Variants in SORL1 observed in about 807,000 individuals in gnomAD.
SORL1 encodes sortilin-related receptor.
Under a neutral mutation model 273.7 loss-of-function variants are expected in SORL1, and 127 were observed. The ratio of observed to expected loss-of-function variants is 0.46; its 90% CI spans 0.40 to 0.54. The LOEUF is 0.54. Ranked by LOEUF, SORL1 falls within the 20% of genes least tolerant of loss-of-function variation. The pLI is 0.00. For synonymous variants in SORL1, 1,031 were observed against 1,067.4 expected (o/e 0.97, Z 0.66); for missense variants, 2,494 against 2,846.1 (o/e 0.88, Z 2.81).
At chr11:121,545,803 G>A (rs181294317) in intron 14 of SORL1, among the ~76,000 whole-genome samples, 171 of 152,250 alleles carry the variant, frequency 1.1e-3, no homozygotes, top group Middle Eastern at 3.4e-3. Context: ...TGAAACGAGG[G>A]GATGTTAGTG....
chr11:121,583,661 G>A, intron 26 of SORL1, 78 bp downstream of exon 26: 1 of 1,481,210 alleles, frequency 6.8e-7, no homozygotes, highest in Non-Finnish European at 9.0e-7. Context: ...CAGAGAGCCA[G>A]GGGATGAAAT....
intron 32 of SORL1, among the ~76,000 whole-genome samples, chr11:121,603,293 C>A (rs1863421528): frequency 6.6e-6 from 1 of 152,204 alleles, no homozygotes; most frequent in Non-Finnish European, 1.5e-5. Flanking sequence ...TTGTCCAGGA[C>A]TGGGCAGGCA....
rs982286278 is a variant in SORL1, at chr11:121,595,562, T to C, written c.4370-61T>C. On this transcript the variant is annotated intron_variant, in intron 31 of 47. Transcript: ENST00000260197. The surrounding 1 kb of genome is among the most constrained non-coding windows in gnomAD (Gnocchi z 5.1). ...GTAATCTCCTAGCATATTGATTGGT[T>C]GCTGTTATTGGCCAGCTCCCTCAAT... The C allele has an allele frequency of 1.4e-6, 2 of 1,409,800 alleles. No individual in the cohort carries two copies. Among genetic ancestry groups the C allele is most frequent in the Non-Finnish European group, 1.9e-6 (2 of 1,029,766 alleles). The allele number at this position is 1,409,800 out of a possible 1,614,324, so 87.3% of individuals were successfully genotyped here. A position where few individuals can be genotyped will look rare whatever the true frequency, so the allele number is the denominator to read the frequency against.
At chr11:121,588,659 T>C (rs962242173) in intron 28 of SORL1, among the ~76,000 whole-genome samples, 9 of 152,222 alleles carry the variant, frequency 5.9e-5, no homozygotes, top group African/African-American at 1.4e-4. Flanking sequence ...GCAGCTCTTA[T>C]ATTTGTTTCC....
At chr11:121,604,596 A>G (rs1289305378) in intron 33 of SORL1, among the ~76,000 whole-genome samples, 2 of 151,474 alleles carry the variant, frequency 1.3e-5, no homozygotes, top group Non-Finnish European at 2.9e-5. Context: ...CCCATACACC[A>G]TGGCTCTCAC....
intron 26 of SORL1, among the ~76,000 whole-genome samples, chr11:121,584,249 A>G (rs1024663333): frequency 5.9e-5 from 9 of 152,226 alleles, no homozygotes; most frequent in Non-Finnish European, 1.2e-4. Context: ...GATTACATCA[A>G]ATGTGTCTCT....
At chr11:121,544,721 T>C (rs1428067185) in intron 13 of SORL1, among the ~76,000 whole-genome samples, 2 of 152,204 alleles carry the variant, frequency 1.3e-5, no homozygotes, top group Non-Finnish European at 2.9e-5. Flanking sequence ...TCGATGAACG[T>C]GGCAGATGGA....
At position 121,631,983 on chromosome 11, in the gene SORL1, A is replaced by G. The variant is rs1285965894; in HGVS notation, c.*2420A>G. ...AAAGAATCCAGAGGTTGGAGTGCCA[A>G]TAGAAAATGAAAACAAATGCCTTGT... is the stretch of plus-strand genomic sequence containing the variant. On this transcript the variant is annotated 3_prime_UTR_variant, in exon 48 of 48. Transcript: ENST00000260197. 1 of 152,212 alleles carries G rather than the reference A, an allele frequency of 6.6e-6. No homozygotes were observed. The highest frequency in any genetic ancestry group is 1.5e-5 in the Non-Finnish European group (1 of 68,046). 9.4% of individuals were successfully genotyped at this position (152,212 alleles called of 1,614,324 possible). A position where few individuals can be genotyped will look rare whatever the true frequency, so the allele number is the denominator to read the frequency against.
intron 23 of SORL1, among the ~76,000 whole-genome samples, chr11:121,570,952 C>T (rs765371436): frequency 1.7e-4 from 26 of 152,252 alleles, no homozygotes; most frequent in Non-Finnish European, 2.9e-4. Flanking sequence ...TTAATAGCTT[C>T]GACATTATCT....
chr11:121,616,042 A>G (rs1338862744), intron 41 of SORL1, among the ~76,000 whole-genome samples: 2 of 152,294 alleles, frequency 1.3e-5, no homozygotes, highest in East Asian at 3.9e-4. Context: ...TGAGGCAGGG[A>G]CAGTGATGAG....
intron 39 of SORL1, chr11:121,612,151 AAAAAG>A (rs1863574131): frequency 6.6e-6 from 1 of 152,624 alleles, no homozygotes; most frequent in Non-Finnish European, 1.5e-5. Flanking sequence ...AAAAAAAGAA[AAAAAG>A]AAAAGAAAGA....
chr11:121,569,299 G>T (rs1862801507), intron 22 of SORL1, among the ~76,000 whole-genome samples: 1 of 152,078 alleles, frequency 6.6e-6, no homozygotes, highest in African/African-American at 2.4e-5. Context: ...TATGAAATCT[G>T]GGCACCTTGA....
At chr11:121,454,932 C>A (rs1472475821) in intron 1 of SORL1, among the ~76,000 whole-genome samples, 2 of 152,082 alleles carry the variant, frequency 1.3e-5, no homozygotes, top group Non-Finnish European at 2.9e-5. Context: ...TGAATAGCAC[C>A]CCCTTCACTC....
chr11:121,595,845 A>G lies in SORL1; in HGVS notation c.4519+73A>G. On this transcript the variant is annotated intron_variant, in intron 32 of 47. Transcript: ENST00000260197. The surrounding 1 kb of genome is among the most constrained non-coding windows in gnomAD (Gnocchi z 5.1). The stretch of plus-strand genomic sequence containing the variant: ...AGCACAGTTCTGGTGCTTCTGCTTC[A>G]TTTCTGGATCAGCACACGCCTGTGT... 3 of 1,515,476 alleles carry G rather than the reference A, an allele frequency of 2.0e-6. No individual in the cohort carries two copies. Among genetic ancestry groups the G allele is most frequent in the African/African-American group, 1.4e-5 (1 of 72,672 alleles). 93.9% of individuals were successfully genotyped at this position (1,515,476 alleles called of 1,614,324 possible).
intron 2 of SORL1, among the ~76,000 whole-genome samples, chr11:121,477,581 G>T (rs1861293232): frequency 6.6e-6 from 1 of 152,192 alleles, no homozygotes; most frequent in South Asian, 2.1e-4. Flanking sequence ...CAGGCAGTGG[G>T]GACTGCAGGG....
chr11:121,532,915 C>T (rs1862222281), intron 12 of SORL1, among the ~76,000 whole-genome samples: 1 of 152,060 alleles, frequency 6.6e-6, no homozygotes, highest in Admixed American at 6.6e-5. Context: ...AACCCCTGAC[C>T]TCAGGTGATC....
intron 21 of SORL1, among the ~76,000 whole-genome samples, chr11:121,561,991 G>C (rs1348256340): frequency 1.3e-5 from 2 of 152,070 alleles, no homozygotes; most frequent in Non-Finnish European, 2.9e-5. Context: ...CTGTCTATGA[G>C]CACTCCGCAC....
In SORL1 at chr11:121,465,745, T is replaced by G. The variant is rs558934330; in HGVS notation, c.286-4262T>G. On this transcript the variant is annotated intron_variant, in intron 1 of 47. Coordinates refer to ENST00000260197, the MANE Select transcript of SORL1 (RefSeq NM_003105.6). ...TTTTTCACTGTGTTAGCCAGGTTGG[T>G]CTCCATCTCCTGACCTCGTGATCTG... Among the ~76,000 whole-genome samples the G allele has an allele frequency of 2.0e-5, 3 of 152,320 alleles. No homozygotes were observed. In the South Asian group the frequency reaches 6.2e-4, roughly 32 times the overall value.
In SORL1 at chr11:121,578,324, T is replaced by A. The variant is rs191988799; in HGVS notation, c.3580+924T>A. Among the ~76,000 whole-genome samples the A allele has an allele frequency of 2.5e-3, 381 of 152,370 alleles. 3 individuals carry two copies. The highest frequency in any genetic ancestry group is 8.8e-3 in the African/African-American group (365 of 41,584). On this transcript the variant is annotated intron_variant, in intron 25 of 47. Transcript: ENST00000260197. ...CATTGTTGAGTCATCTTCTCAATTA[T>A]CTGAAGCCAGCTATTAATCTTGTGA...
Sources: gnomAD v4.1 joint callset for allele counts (sites outside exome capture counted in the v4.1 genomes callset) on GRCh38, gnomAD v4.1.1 for gene constraint, Gnocchi (gnomAD v3.1) non-coding constraint, MANE v1.5 for transcripts, NCBI Gene and HGNC (gene_info 2026-07-23, HGNC 2026-07-21) for gene names.